HS3ST4: variants seen among roughly 807,000 people sequenced by gnomAD.
HS3ST4 encodes heparan sulfate glucosamine 3-O-sulfotransferase 4.
Under a neutral mutation model 29.2 loss-of-function variants are expected in HS3ST4, and 17 were observed. The observed-to-expected ratio is 0.58, with a 90% CI of 0.40 to 0.87. HS3ST4 has a LOEUF of 0.87. Among genes scored for constraint, HS3ST4 ranks in the 40% least tolerant of loss-of-function variants. The probability of loss-of-function intolerance (pLI) is 0.00; values close to 1 mark genes in which losing one functional copy is unlikely to be tolerated. For synonymous variants in HS3ST4, 314 were observed against 285.7 expected, an observed-to-expected ratio of 1.10 and a Z score of -1.00; for missense variants, 627 against 634.5, an observed-to-expected ratio of 0.99 and a Z score of 0.13.
At chr16:26,085,347 C>T (rs958493950) in intron 1 of HS3ST4, among the ~76,000 whole-genome samples, 12 of 152,182 alleles carry the variant, frequency 7.9e-5, no homozygotes, top group Admixed American at 7.9e-4. Flanking sequence ...GTTTCTATTA[C>T]ATACCAGGCC....
At chr16:26,077,369 G>A (rs555951259) in intron 1 of HS3ST4, among the ~76,000 whole-genome samples, 1 of 152,354 alleles carries the variant, frequency 6.6e-6, no homozygotes, top group East Asian at 1.9e-4. Context: ...GGGAGGAACA[G>A]CCACATCATG....
In HS3ST4 at chr16:26,096,073, G is replaced by A. The variant is rs1055017413; in HGVS notation, c.735-39539G>A. Among the ~76,000 whole-genome samples, 5 of 151,056 alleles carry A rather than the reference G, an allele frequency of 3.3e-5. No individual in the cohort carries two copies. The East Asian group carries it at 5.9e-4, about 18-fold the overall frequency. Reference sequence around the variant, plus strand: ...CCTCCCAAGACTAAACCAGGAAGAAGTTGAATCTCTGAAATTGAGGCAATA... The same window carrying A: ...CCTCCCAAGACTAAACCAGGAAGAAATTGAATCTCTGAAATTGAGGCAATA... On this transcript the variant is annotated intron_variant, in intron 1 of 1. Coordinates refer to ENST00000331351, the MANE Select transcript of HS3ST4 (RefSeq NM_006040.3).
chr16:25,800,425 C>G (rs1315633349), intron 1 of HS3ST4, among the ~76,000 whole-genome samples: 5 of 143,574 alleles, frequency 3.5e-5, no homozygotes, highest in Admixed American at 2.9e-4. Flanking sequence ...TCTCCCTTCC[C>G]CCTACTTTCT....
chr16:25,840,134 C>T (rs528152093), intron 1 of HS3ST4, among the ~76,000 whole-genome samples: 2 of 152,336 alleles, frequency 1.3e-5, no homozygotes, highest in South Asian at 2.1e-4. Context: ...CAGTATATCA[C>T]TTTCATACTG....
At chr16:26,067,874 G>T (rs957870631) in intron 1 of HS3ST4, among the ~76,000 whole-genome samples, 3 of 152,118 alleles carry the variant, frequency 2.0e-5, no homozygotes, top group African/African-American at 7.2e-5. Flanking sequence ...TACACATGGT[G>T]TCTCTTGCTT....
chr16:26,068,727 C>G (rs575479599), intron 1 of HS3ST4, among the ~76,000 whole-genome samples: 2 of 151,976 alleles, frequency 1.3e-5, no homozygotes, highest in Admixed American at 1.3e-4. Flanking sequence ...AAAATACATC[C>G]TTGGAAACTG....
intron 1 of HS3ST4, among the ~76,000 whole-genome samples, chr16:25,984,726 A>G (rs962414116): frequency 6.6e-6 from 1 of 152,196 alleles, no homozygotes; most frequent in Non-Finnish European, 1.5e-5. Flanking sequence ...CCACATTACC[A>G]TGAATGACAG....
chr16:25,811,656 C>G (rs187643966), intron 1 of HS3ST4, among the ~76,000 whole-genome samples: 26 of 152,192 alleles, frequency 1.7e-4, no homozygotes, highest in African/African-American at 6.0e-4. Flanking sequence ...TGGTCTCGAA[C>G]TCCCAACCTC....
At chr16:25,963,240 A>G (rs941904154) in intron 1 of HS3ST4, among the ~76,000 whole-genome samples, 5 of 152,074 alleles carry the variant, frequency 3.3e-5, no homozygotes, top group African/African-American at 9.7e-5. Flanking sequence ...GCTCTCCCCA[A>G]TGCAAGGGTT....
rs61305937 is a variant in HS3ST4 at position 25,862,161 on chromosome 16, A to G, written c.734+169010A>G. Among the ~76,000 whole-genome samples, 746 of 142,474 alleles carry G rather than the reference A, an allele frequency of 5.2e-3. 9 individuals are homozygous for G. Among genetic ancestry groups the G allele is most frequent in the African/African-American group, 0.018 (706 of 38,164 alleles). The allele number at this position is 142,474 out of a possible 152,430, so 93.5% of individuals were successfully genotyped here. The stretch of plus-strand genomic sequence containing the variant: ...TCTCCTATGAGAATTTTATTTATTT[A>G]CATATTTATTTATTTATTTATTTAT... On this transcript the variant is annotated intron_variant, in intron 1 of 1. Coordinates refer to ENST00000331351, the MANE Select transcript of HS3ST4 (RefSeq NM_006040.3).
intron 1 of HS3ST4, among the ~76,000 whole-genome samples, chr16:25,914,170 TGTG>T (rs899559639): frequency 3.5e-5 from 5 of 144,372 alleles, no homozygotes; most frequent in African/African-American, 1.3e-4. Flanking sequence ...TGTGGGGTGG[TGTG>T]GAGGGTATGG....
chr16:25,805,808 C>T (rs889173418), intron 1 of HS3ST4, among the ~76,000 whole-genome samples: 9 of 152,136 alleles, frequency 5.9e-5, no homozygotes, highest in African/African-American at 2.2e-4. Flanking sequence ...AACCGAAGAC[C>T]TAGGTCCAGC....
At chr16:25,906,587 T>C (rs1466983924) in intron 1 of HS3ST4, among the ~76,000 whole-genome samples, 3 of 152,152 alleles carry the variant, frequency 2.0e-5, no homozygotes, top group African/African-American at 7.2e-5. Flanking sequence ...TAAAATATAA[T>C]GCTGCAAAAT....
At chr16:25,874,677 ATGAGCCTC>A (rs1340722942) in intron 1 of HS3ST4, among the ~76,000 whole-genome samples, 6 of 152,282 alleles carry the variant, frequency 3.9e-5, no homozygotes, top group African/African-American at 1.4e-4. Context: ...AAAATGTTTA[ATGAGCCTC>A]TGACTTCTGT....
At chr16:26,000,864 T>C (rs1003139960) in intron 1 of HS3ST4, among the ~76,000 whole-genome samples, 1 of 152,202 alleles carries the variant, frequency 6.6e-6, no homozygotes, top group Non-Finnish European at 1.5e-5. Flanking sequence ...AATTTGAATC[T>C]AATCGTGAGA....
chr16:25,878,253 A>G (rs1415787805), intron 1 of HS3ST4, among the ~76,000 whole-genome samples: 2 of 152,154 alleles, frequency 1.3e-5, no homozygotes, highest in Non-Finnish European at 2.9e-5. Flanking sequence ...CAAAGAAGTT[A>G]CTGTTTTTTA....
intron 1 of HS3ST4, among the ~76,000 whole-genome samples, chr16:25,804,259 G>A (rs1305728761): frequency 6.6e-6 from 1 of 152,114 alleles, no homozygotes; most frequent in African/African-American, 2.4e-5. Context: ...TAGAAACCAC[G>A]ATAACAGCAA....
intron 1 of HS3ST4, among the ~76,000 whole-genome samples, chr16:25,723,646 A>C (rs1433318591): frequency 6.6e-6 from 1 of 152,186 alleles, no homozygotes; most frequent in Non-Finnish European, 1.5e-5. Flanking sequence ...ACAATTTTTT[A>C]TCTCTTTTAC....
chr16:25,723,895 C>T (rs769348720), intron 1 of HS3ST4, among the ~76,000 whole-genome samples: 2 of 152,080 alleles, frequency 1.3e-5, no homozygotes, highest in African/African-American at 2.4e-5. Context: ...GGGTGGATCA[C>T]GAGGTCAAGA....
Sources: gnomAD v4.1 joint callset for allele counts (sites outside exome capture counted in the v4.1 genomes callset) on GRCh38, gnomAD v4.1.1 for gene constraint, MANE v1.5 for transcripts, NCBI Gene and HGNC (gene_info 2026-07-23, HGNC 2026-07-21) for gene names.